Variants in CSMD1 observed in about 807,000 individuals in gnomAD.
The protein encoded by CSMD1 is CUB and sushi domain-containing protein 1.
CSMD1 carries 213 observed loss-of-function variants against 417.5 expected under a neutral mutation model. The observed-to-expected ratio is 0.51, with a 90% CI of 0.46 to 0.57. The LOEUF is 0.57. Ranked by LOEUF, CSMD1 falls within the 20% of genes least tolerant of loss-of-function variation. CSMD1 has a pLI of 0.00. For synonymous variants in CSMD1, 2,862 were observed against 1,736.8 expected (o/e 1.65, Z -16.11); for missense variants, 6,923 against 4,529.7 (o/e 1.53, Z -15.17).
chr8:3,596,690 T>C (rs918074949), intron 8 of CSMD1, among the ~76,000 whole-genome samples: 4 of 152,118 alleles, frequency 2.6e-5, no homozygotes, highest in Non-Finnish European at 5.9e-5. Context: ...GCAACCACAG[T>C]ATCCAGGCTT....
intron 1 of CSMD1, among the ~76,000 whole-genome samples, chr8:4,734,195 T>A (rs1009780647): frequency 6.6e-6 from 1 of 152,152 alleles, no homozygotes; most frequent in Non-Finnish European, 1.5e-5. Context: ...TATGTTTACC[T>A]GGAAAATTCC....
At chr8:4,039,838 G>C (rs578246131) in intron 3 of CSMD1, among the ~76,000 whole-genome samples, 1 of 152,108 alleles carries the variant, frequency 6.6e-6, no homozygotes, top group African/African-American at 2.4e-5. Context: ...AATAGATTTG[G>C]GTTTCTGCTC....
chr8:4,301,489 A>C (rs906427610), intron 3 of CSMD1, among the ~76,000 whole-genome samples: 14 of 152,322 alleles, frequency 9.2e-5, no homozygotes, highest in Admixed American at 5.2e-4. Flanking sequence ...TGCCACTTGC[A>C]TAAGATCTCT....
At chr8:4,911,108 G>C (rs984751952) in intron 1 of CSMD1, among the ~76,000 whole-genome samples, 39 of 152,214 alleles carry the variant, frequency 2.6e-4, no homozygotes, top group African/African-American at 8.7e-4. Flanking sequence ...GGAACTGTAA[G>C]TCCATTAAAC....
intron 15 of CSMD1, among the ~76,000 whole-genome samples, chr8:3,402,453 A>G (rs1350870142): frequency 6.6e-6 from 1 of 152,170 alleles, no homozygotes; most frequent in Non-Finnish European, 1.5e-5. Flanking sequence ...GATGCCACTG[A>G]GCTGCATTGA....
intron 5 of CSMD1, among the ~76,000 whole-genome samples, chr8:3,992,968 T>A (rs1047209130): frequency 3.9e-5 from 6 of 152,154 alleles, no homozygotes; most frequent in African/African-American, 1.4e-4. Flanking sequence ...CAAAGAAAGA[T>A]GGAAACGGCC....
At position 3,603,026 on chromosome 8, in the gene CSMD1, C is replaced by T. The variant is rs778142815; in HGVS notation, c.1097+13684G>A. Among the ~76,000 whole-genome samples, 4 of 152,254 alleles carry T rather than the reference C, an allele frequency of 2.6e-5. No individual in the cohort carries two copies. The South Asian group carries it at 6.2e-4, about 24-fold the overall frequency. The stretch of plus-strand genomic sequence containing the variant: ...AGAGAGGGAGGATATTCCACCAGCC[C>T]TATTTGGTGAATTGCTTATCAGAAG... On this transcript the variant is annotated intron_variant, in intron 8 of 69. Transcript: ENST00000635120.
chr8:4,627,161 A>G (rs1802165546), intron 2 of CSMD1, among the ~76,000 whole-genome samples: 1 of 152,162 alleles, frequency 6.6e-6, no homozygotes, highest in South Asian at 2.1e-4. Context: ...ATGAAAACTC[A>G]CTTGTTTATT....
chr8:3,121,175 G>A (rs577245306), intron 41 of CSMD1, among the ~76,000 whole-genome samples: 1 of 152,042 alleles, frequency 6.6e-6, no homozygotes, highest in African/African-American at 2.4e-5. Context: ...AGATTTCTGT[G>A]TATTTATTTA....
intron 1 of CSMD1, among the ~76,000 whole-genome samples, chr8:4,771,478 C>A (rs986582528): frequency 1.3e-5 from 2 of 152,174 alleles, no homozygotes; most frequent in Non-Finnish European, 2.9e-5. Context: ...GAAGCTCAGT[C>A]GTGAGAATGC....
At chr8:3,744,666 G>A (rs867541557) in intron 6 of CSMD1, among the ~76,000 whole-genome samples, 5 of 152,174 alleles carry the variant, frequency 3.3e-5, no homozygotes, top group Non-Finnish European at 5.9e-5. Context: ...ATTTACAAGC[G>A]ATGCCTACAG....
intron 3 of CSMD1, among the ~76,000 whole-genome samples, chr8:4,126,037 A>G (rs766914349): frequency 7.9e-5 from 12 of 152,074 alleles, no homozygotes; most frequent in Non-Finnish European, 1.6e-4. Flanking sequence ...TGATACCACC[A>G]AGACTTTTAA....
At chr8:3,674,536 TATTA>T (rs577478950) in intron 7 of CSMD1, among the ~76,000 whole-genome samples, 17 of 152,164 alleles carry the variant, frequency 1.1e-4, no homozygotes, top group Non-Finnish European at 2.1e-4. Flanking sequence ...TTAACAATAT[TATTA>T]ATTAAATGCT....
intron 1 of CSMD1, among the ~76,000 whole-genome samples, chr8:4,911,571 C>A (rs927552672): frequency 1.3e-5 from 2 of 152,210 alleles, no homozygotes; most frequent in Non-Finnish European, 1.5e-5. Context: ...CTGCCCTCTA[C>A]CTGCATCCAG....
chr8:4,580,591 T>A (rs2725067), intron 2 of CSMD1, among the ~76,000 whole-genome samples: 2 of 151,842 alleles, frequency 1.3e-5, no homozygotes, highest in African/African-American at 4.8e-5. Flanking sequence ...TCCTCTTCCA[T>A]CTCACCCATA....
chr8:4,483,269 C>G (rs904748142), intron 2 of CSMD1, among the ~76,000 whole-genome samples: 1 of 152,216 alleles, frequency 6.6e-6, no homozygotes, highest in Non-Finnish European at 1.5e-5. Flanking sequence ...CCATGTGGAA[C>G]TGTGAGTCCA....
Position 2,954,282 on chromosome 8 carries a change from G to A in CSMD1, c.9995-14C>T, listed in dbSNP as rs1417994302. Reference sequence around the variant, plus strand: ...TCACTCCTTTACCTACAAGTAAAAAGACAAATTATCATTTTAAAAAAAACA... The same window carrying A: ...TCACTCCTTTACCTACAAGTAAAAAAACAAATTATCATTTTAAAAAAAACA... On this transcript the variant is annotated splice_polypyrimidine_tract_variant and intron_variant, in intron 64 of 69. Transcript: ENST00000635120. 10 of 1,389,558 alleles carry A rather than the reference G, an allele frequency of 7.2e-6. No homozygotes were observed. In the Admixed American group the frequency reaches 1.5e-4, roughly 21 times the overall value. 86.1% of individuals were successfully genotyped at this position (1,389,558 alleles called of 1,614,324 possible).
intron 9 of CSMD1, among the ~76,000 whole-genome samples, chr8:3,575,338 A>C (rs7816319): frequency 6.6e-6 from 1 of 151,878 alleles, no homozygotes; most frequent in South Asian, 2.1e-4. Flanking sequence ...AACAGATGAC[A>C]GCCTCATGTG....
intron 3 of CSMD1, among the ~76,000 whole-genome samples, chr8:4,217,930 G>T (rs960666647): frequency 6.6e-6 from 1 of 152,192 alleles, no homozygotes. Flanking sequence ...AGATTCAGGA[G>T]CAAAGAAATG....
Sources: gnomAD v4.1 joint callset for allele counts (sites outside exome capture counted in the v4.1 genomes callset) on GRCh38, gnomAD v4.1.1 for gene constraint, MANE v1.5 for transcripts, NCBI Gene and HGNC (gene_info 2026-07-23, HGNC 2026-07-21) for gene names.